Variants in CCDC60 observed in about 807,000 individuals in gnomAD.
CCDC60 encodes coiled-coil domain-containing protein 60.
In CCDC60, 54 loss-of-function variants were observed where a neutral mutation model predicts 63.5. The observed-to-expected ratio is 0.85, with a 90% confidence interval of 0.68 to 1.07. CCDC60 has a LOEUF of 1.07. Among genes scored for constraint, CCDC60 ranks in the 50% least tolerant of loss-of-function variants. The probability of loss-of-function intolerance (pLI) is 0.00; values close to 1 mark genes in which losing one functional copy is unlikely to be tolerated. For synonymous variants in CCDC60, 206 were observed against 238.8 expected (o/e 0.86, Z 1.27); for missense variants, 651 against 684.3 (o/e 0.95, Z 0.54).
chr12:119,393,984 T>C (rs929596243), intron 1 of CCDC60, among the ~76,000 whole-genome samples: 7 of 152,146 alleles, frequency 4.6e-5, no homozygotes, highest in Admixed American at 2.0e-4. Flanking sequence ...AGCTTAAGCA[T>C]TTTAGAGTCT....
intron 4 of CCDC60, among the ~76,000 whole-genome samples, chr12:119,480,833 CCAT>C (rs1430635941): frequency 2.1e-5 from 3 of 142,208 alleles, no homozygotes; most frequent in East Asian, 4.6e-4. Flanking sequence ...ATCATCACCA[CCAT>C]CATCCTCACC....
At chr12:119,496,167 A>C (rs116226464) in intron 5 of CCDC60, among the ~76,000 whole-genome samples, 142 of 152,254 alleles carry the variant, frequency 9.3e-4, no homozygotes, top group African/African-American at 3.3e-3. Context: ...CCTGCTGCAG[A>C]ATCAGCAGCT....
chr12:119,353,933 G>T (rs573994066), intron 1 of CCDC60, among the ~76,000 whole-genome samples: 1 of 152,094 alleles, frequency 6.6e-6, no homozygotes, highest in Admixed American at 6.5e-5. Context: ...AATTAGCTGG[G>T]TGTGGTGCTC....
At chr12:119,451,626 G>A (rs1950637506) in intron 2 of CCDC60, among the ~76,000 whole-genome samples, 2 of 152,108 alleles carry the variant, frequency 1.3e-5, no homozygotes, top group Non-Finnish European at 2.9e-5. Flanking sequence ...GCCCTCAAAT[G>A]CCATCTAGAA....
intron 1 of CCDC60, among the ~76,000 whole-genome samples, chr12:119,386,019 C>A (rs934559055): frequency 6.6e-6 from 1 of 152,244 alleles, no homozygotes; most frequent in African/African-American, 2.4e-5. Context: ...TGGTTCATTG[C>A]TGTGTCCCCA....
At chr12:119,524,414 C>T (rs1390464640) in intron 11 of CCDC60, 5 of 982,892 alleles carry the variant, frequency 5.1e-6, no homozygotes, top group African/African-American at 1.7e-5. Flanking sequence ...ACTCCAGAGA[C>T]CATCCATCCC....
chr12:119,507,558 ATATATATATATG>A (rs1342635969), intron 7 of CCDC60, among the ~76,000 whole-genome samples: 962 of 71,916 alleles, frequency 0.013, 54 homozygotes, highest in East Asian at 0.064. Flanking sequence ...ATACATATAT[ATATATATATATG>A]TATATATACA....
chr12:119,434,153 G>A (rs964618087), intron 2 of CCDC60, among the ~76,000 whole-genome samples: 4 of 152,214 alleles, frequency 2.6e-5, no homozygotes, highest in African/African-American at 9.6e-5. Flanking sequence ...ACCCCCAGCA[G>A]GGTCCAGGTG....
At chr12:119,429,581 G>A (rs761448830) in intron 2 of CCDC60, 9 of 152,284 alleles carry the variant, frequency 5.9e-5, no homozygotes, top group Non-Finnish European at 1.2e-4. Context: ...GCCAGATGCA[G>A]TGAGAGGCAA....
chr12:119,419,963 G>A (rs1303408344), intron 1 of CCDC60, among the ~76,000 whole-genome samples: 4 of 135,752 alleles, frequency 2.9e-5, no homozygotes, highest in Admixed American at 8.5e-5. Context: ...TGCAACCTCC[G>A]CCTCCTGGGT....
intron 1 of CCDC60, among the ~76,000 whole-genome samples, chr12:119,376,331 A>G (rs1390925107): frequency 6.6e-6 from 1 of 152,202 alleles, no homozygotes; most frequent in Non-Finnish European, 1.5e-5. Context: ...CCAATTAACC[A>G]GAATGAAGAA....
chr12:119,406,204 TAG>T (rs34447665), intron 1 of CCDC60, among the ~76,000 whole-genome samples: 32,459 of 144,846 alleles, frequency 0.22, 3,915 homozygotes, highest in East Asian at 0.57. Flanking sequence ...TATATATATA[TAG>T]AGAGAGAGAG....
rs1346724678 is a variant in CCDC60, at chr12:119,420,190, A to G, written c.91-8493A>G. ...CATGCCCGGCCTGTTAAGTAATTCT[A>G]TAGTATATTTCCTATTTCAGTTTGA... On this transcript the variant is annotated intron_variant, in intron 1 of 13. Transcript: ENST00000327554. The surrounding 1 kb of genome is among the most constrained non-coding windows in gnomAD (Gnocchi z 4.1). 6.6e-6 allele frequency among the ~76,000 whole-genome samples: 1 copy of G among 152,054 alleles called. No individual in the cohort carries two copies. The highest frequency in any genetic ancestry group is 1.5e-5 in the Non-Finnish European group (1 of 68,006).
chr12:119,350,847 G>C (rs7305144), intron 1 of CCDC60, among the ~76,000 whole-genome samples: 1,741 of 152,218 alleles, frequency 0.011, 32 homozygotes, highest in African/African-American at 0.04. Context: ...TTATGGGCAG[G>C]ATCCCAGGTT....
At chr12:119,338,577 C>T (rs549110129) in intron 1 of CCDC60, among the ~76,000 whole-genome samples, 1 of 152,324 alleles carries the variant, frequency 6.6e-6, no homozygotes, top group Admixed American at 6.5e-5. Flanking sequence ...TCCTCTCCAT[C>T]TCACCATTCT....
At chr12:119,462,788 CTTCA>C (rs944953020) in intron 2 of CCDC60, among the ~76,000 whole-genome samples, 9 of 139,666 alleles carry the variant, frequency 6.4e-5, no homozygotes, top group South Asian at 2.5e-4. Flanking sequence ...GCCCAACTAA[CTTCA>C]TTTATTTATT....
At chr12:119,441,840 C>T (rs958865525) in intron 2 of CCDC60, among the ~76,000 whole-genome samples, 1 of 152,156 alleles carries the variant, frequency 6.6e-6, no homozygotes, top group Non-Finnish European at 1.5e-5. Flanking sequence ...ATGAATAAAG[C>T]TGCTATGAAC....
At chr12:119,369,162 C>T (rs1955873385) in intron 1 of CCDC60, among the ~76,000 whole-genome samples, 1 of 152,174 alleles carries the variant, frequency 6.6e-6, no homozygotes, top group African/African-American at 2.4e-5. Flanking sequence ...CAAGCATGAC[C>T]TTATACGAGG....
At chr12:119,527,330 G>T (rs1457495805) in intron 11 of CCDC60, among the ~76,000 whole-genome samples, 1 of 152,100 alleles carries the variant, frequency 6.6e-6, no homozygotes, top group Non-Finnish European at 1.5e-5. Context: ...TTAATACCTG[G>T]GTGATGTAGT....
Sources: gnomAD v4.1 joint callset for allele counts (sites outside exome capture counted in the v4.1 genomes callset) on GRCh38, gnomAD v4.1.1 for gene constraint, Gnocchi (gnomAD v3.1) non-coding constraint, MANE v1.5 for transcripts, NCBI Gene and HGNC (gene_info 2026-07-23, HGNC 2026-07-21) for gene names.